GALNT13: variants seen among roughly 807,000 people sequenced by gnomAD.
GALNT13 encodes polypeptide N-acetylgalactosaminyltransferase 13, also known as UDP-GalNAc:polypeptide N-acetylgalactosaminyltransferase 13.
GALNT13 carries 28 observed loss-of-function variants against 64.2 expected under a neutral mutation model. That is an observed-to-expected ratio of 0.44 (90% CI 0.32 to 0.60). The LOEUF is 0.60. Among genes scored for constraint, GALNT13 ranks in the 20% least tolerant of loss-of-function variants. The probability of loss-of-function intolerance (pLI) is 0.05; values close to 1 mark genes in which losing one functional copy is unlikely to be tolerated. For missense variants in GALNT13, 577 were observed against 669.8 expected, an observed-to-expected ratio of 0.86 and a Z score of 1.53; for synonymous variants, 214 against 224.6, an observed-to-expected ratio of 0.95 and a Z score of 0.42.
At chr2:154,210,468 T>G (rs1239024239) in intron 4 of GALNT13, among the ~76,000 whole-genome samples, 1 of 152,170 alleles carries the variant, frequency 6.6e-6, no homozygotes. Context: ...AAATATGCCT[T>G]GAAGCCAGAA....
At chr2:154,339,824 A>G (rs1296087763) in intron 9 of GALNT13, among the ~76,000 whole-genome samples, 1 of 152,024 alleles carries the variant, frequency 6.6e-6, no homozygotes, top group Non-Finnish European at 1.5e-5. Context: ...TATATGACAG[A>G]TTTTCTCAAA....
At chr2:153,824,349 T>C in the GALNT13 span, among the ~76,000 whole-genome samples, 2 of 152,118 alleles carry the variant, frequency 1.3e-5, no homozygotes, top group African/African-American at 2.4e-5. Context: ...AGGACTATTA[T>C]TTTACCCAGC....
chr2:153,240,099 T>C, the GALNT13 span, among the ~76,000 whole-genome samples: 1 of 152,198 alleles, frequency 6.6e-6, no homozygotes, highest in Non-Finnish European at 1.5e-5. Flanking sequence ...TTTTCCAATT[T>C]GTTGGCATAT....
the GALNT13 span, among the ~76,000 whole-genome samples, chr2:153,081,989 C>T: frequency 2.0e-5 from 3 of 152,168 alleles, no homozygotes; most frequent in African/African-American, 7.2e-5. Context: ...TTCCCACCAA[C>T]AGTGTACAGA....
chr2:153,213,976 C>T, the GALNT13 span, among the ~76,000 whole-genome samples: 1 of 152,134 alleles, frequency 6.6e-6, no homozygotes, highest in African/African-American at 2.4e-5. Flanking sequence ...CAGAGCCATT[C>T]TTATGCAACC....
chr2:153,856,350 G>A, the GALNT13 span, among the ~76,000 whole-genome samples: 1 of 152,036 alleles, frequency 6.6e-6, no homozygotes. Flanking sequence ...TTTCCATTAA[G>A]AACATTAAAA....
chr2:153,430,044 A>G, the GALNT13 span, among the ~76,000 whole-genome samples: 1 of 152,154 alleles, frequency 6.6e-6, no homozygotes, highest in African/African-American at 2.4e-5. Flanking sequence ...AACTACAATC[A>G]TGGGAACTGT....
At chr2:153,258,186 A>T in the GALNT13 span, among the ~76,000 whole-genome samples, 1 of 152,226 alleles carries the variant, frequency 6.6e-6, no homozygotes, top group East Asian at 1.9e-4. Context: ...ATTGGGCTTT[A>T]TGCAAATAAT....
chr2:153,660,680 G>C, the GALNT13 span, among the ~76,000 whole-genome samples: 1 of 151,734 alleles, frequency 6.6e-6, no homozygotes, highest in Non-Finnish European at 1.5e-5. Context: ...TTACCTGTCA[G>C]CTGCTACAGT....
the GALNT13 span, among the ~76,000 whole-genome samples, chr2:153,196,213 A>G: frequency 6.6e-6 from 1 of 152,188 alleles, no homozygotes; most frequent in South Asian, 2.1e-4. Flanking sequence ...GTTTCCGCCC[A>G]GGAGCCTATC....
At chr2:154,291,436 A>G (rs1692624293) in intron 8 of GALNT13, among the ~76,000 whole-genome samples, 2 of 152,164 alleles carry the variant, frequency 1.3e-5, no homozygotes, top group South Asian at 4.1e-4. Flanking sequence ...TAGACAGAAA[A>G]GTTCTCCAGG....
At chr2:153,671,215 T>A in the GALNT13 span, among the ~76,000 whole-genome samples, 5 of 152,106 alleles carry the variant, frequency 3.3e-5, no homozygotes, top group East Asian at 1.9e-4. Context: ...ACAAAGATAC[T>A]CCTCAAGAAG....
chr2:154,211,576 C>A (rs1348173537), intron 4 of GALNT13, among the ~76,000 whole-genome samples: 2 of 130,144 alleles, frequency 1.5e-5, no homozygotes, highest in African/African-American at 3.0e-5. Context: ...TGCAGTGAGC[C>A]AAGATTGCAC....
chr2:153,767,660 A>G, the GALNT13 span, among the ~76,000 whole-genome samples: 1 of 152,048 alleles, frequency 6.6e-6, no homozygotes, highest in Non-Finnish European at 1.5e-5. Context: ...GCTTTACATG[A>G]TATTTCATTG....
chr2:154,420,094 C>A (rs1028379554), intron 11 of GALNT13, among the ~76,000 whole-genome samples: 1 of 151,932 alleles, frequency 6.6e-6, no homozygotes, highest in African/African-American at 2.4e-5. Context: ...TAAAGCAGAA[C>A]GTTTAATACT....
chr2:154,107,773 A>G (rs781687576), intron 3 of GALNT13, among the ~76,000 whole-genome samples: 1 of 150,570 alleles, frequency 6.6e-6, no homozygotes, highest in Non-Finnish European at 1.5e-5. Context: ...CCACGCTCCA[A>G]TTTTTTTTTC....
the GALNT13 span, among the ~76,000 whole-genome samples, chr2:153,277,428 A>G: frequency 6.6e-6 from 1 of 152,178 alleles, no homozygotes; most frequent in Non-Finnish European, 1.5e-5. Flanking sequence ...GTATATATGT[A>G]TGACATTTTA....
In GALNT13 at chr2:154,450,573, G is replaced by T. The variant is rs1559162525; in HGVS notation, c.*22G>T. 3 of 1,563,950 alleles carry T rather than the reference G, an allele frequency of 1.9e-6. No homozygotes were observed. In the East Asian group the frequency reaches 6.9e-5, roughly 36 times the overall value. ...ATGAAGATCATGTCCTCCAAGCCAT[G>T]AAAGTGTCTACGCTTTTGTTTTTCC... On this transcript the variant is annotated 3_prime_UTR_variant, in exon 13 of 13. Coordinates refer to ENST00000392825, the MANE Select transcript of GALNT13 (RefSeq NM_052917.4).
At chr2:153,079,974 A>G in the GALNT13 span, among the ~76,000 whole-genome samples, 11 of 152,020 alleles carry the variant, frequency 7.2e-5, no homozygotes, top group Non-Finnish European at 1.5e-5. Context: ...AGACATGGTT[A>G]ATACATATGG....
Sources: allele counts gnomAD v4.1 joint callset (sites outside exome capture counted in the v4.1 genomes callset), GRCh38; gene constraint gnomAD v4.1.1; transcripts MANE v1.5; gene names NCBI Gene and HGNC (gene_info 2026-07-23, HGNC 2026-07-21).